Variants in ACTR3B observed in about 807,000 individuals in gnomAD.
ACTR3B encodes actin related protein 3B, also known as actin-related protein 3B.
In ACTR3B, 8 loss-of-function variants were observed where a neutral mutation model predicts 59.0. That is an observed-to-expected ratio of 0.14 (90% confidence interval 0.08 to 0.24). ACTR3B has a LOEUF of 0.24. Among genes scored for constraint, ACTR3B ranks in the 10% least tolerant of loss-of-function variants. The pLI, the probability that ACTR3B is intolerant of heterozygous loss-of-function variation, is 1.00. For missense variants in ACTR3B, 245 were observed against 552.3 expected, an observed-to-expected ratio of 0.44 and a Z score of 5.58; for synonymous variants, 148 against 197.9, an observed-to-expected ratio of 0.75 and a Z score of 2.12.
chr7:152,797,316 A>G (rs1048439921), intron 2 of ACTR3B, among the ~76,000 whole-genome samples: 4 of 152,078 alleles, frequency 2.6e-5, no homozygotes, highest in African/African-American at 7.2e-5. Flanking sequence ...CCTGAGCTCA[A>G]GCTATCCTCC....
At chr7:152,798,055 A>G (rs894283918) in intron 2 of ACTR3B, among the ~76,000 whole-genome samples, 4 of 152,252 alleles carry the variant, frequency 2.6e-5, no homozygotes, top group African/African-American at 9.6e-5. Flanking sequence ...TATGCCCAGT[A>G]GTGGGATTGT....
intron 9 of ACTR3B, among the ~76,000 whole-genome samples, chr7:152,848,511 A>T (rs117705036): frequency 0.011 from 1,731 of 152,354 alleles, 22 homozygotes; most frequent in Middle Eastern, 0.041. Flanking sequence ...AAGCGCCCTT[A>T]GAAATGTCTA....
At chr7:152,785,086 CTTG>C (rs201030180) in intron 2 of ACTR3B, among the ~76,000 whole-genome samples, 3,935 of 151,908 alleles carry the variant, frequency 0.026, 160 homozygotes, top group African/African-American at 0.088. Flanking sequence ...AGATTTTAAC[CTTG>C]TTAAGTGCGA....
Position 152,828,206 on chromosome 7 carries a change from G to A in ACTR3B, c.951+3084G>A, listed in dbSNP as rs547526740. Among the ~76,000 whole-genome samples the A allele has an allele frequency of 5.9e-5, 9 of 152,260 alleles. No homozygotes were observed. In the East Asian group the frequency reaches 1.7e-3, roughly 29 times the overall value. ...CTCTTCAGGCGGGGCATGTTGAGGC[G>A]TGGCCTTTGCTAGTTCCTCAGCAAG... is the stretch of plus-strand genomic sequence containing the variant. On this transcript the variant is annotated intron_variant, in intron 9 of 11. Transcript: ENST00000256001.
intron 9 of ACTR3B, among the ~76,000 whole-genome samples, chr7:152,840,219 CT>C (rs1278529998): frequency 2.3e-5 from 3 of 131,386 alleles, no homozygotes; most frequent in African/African-American, 8.4e-5. Flanking sequence ...GGGAGGGCCC[CT>C]GCTTACCGAG....
At chr7:152,765,211 G>T (rs1476730845) in intron 1 of ACTR3B, among the ~76,000 whole-genome samples, 1 of 142,400 alleles carries the variant, frequency 7.0e-6, no homozygotes, top group African/African-American at 2.6e-5. Flanking sequence ...TCCGCCTCCC[G>T]GGTTCAAGTG....
intron 1 of ACTR3B, among the ~76,000 whole-genome samples, chr7:152,771,437 G>T (rs1436851984): frequency 1.2e-4 from 19 of 152,212 alleles, no homozygotes; most frequent in African/African-American, 4.3e-4. Flanking sequence ...TTAAAAGCAT[G>T]TTGGAGGTTA....
intron 9 of ACTR3B, among the ~76,000 whole-genome samples, chr7:152,829,549 T>C (rs985047973): frequency 6.6e-6 from 1 of 152,146 alleles, no homozygotes; most frequent in Non-Finnish European, 1.5e-5. Flanking sequence ...CCTCCAGAAA[T>C]GACAGGGGTG....
intron 9 of ACTR3B, among the ~76,000 whole-genome samples, chr7:152,825,773 T>G (rs1173203753): frequency 6.6e-6 from 1 of 152,180 alleles, no homozygotes; most frequent in East Asian, 1.9e-4. Context: ...TCATGCATAT[T>G]TGGGTTTGGT....
chr7:152,813,259 G>A (rs370113159), intron 4 of ACTR3B: 193 of 127,726 alleles, frequency 1.5e-3, no homozygotes, highest in African/African-American at 5.2e-3. Context: ...AAAGGGTAAT[G>A]TATACGTTTT....
intron 2 of ACTR3B, among the ~76,000 whole-genome samples, chr7:152,788,955 G>C (rs1482751386): frequency 1.3e-5 from 2 of 152,182 alleles, no homozygotes; most frequent in Non-Finnish European, 2.9e-5. Context: ...CCTGGGAGTC[G>C]AGGTTGCAGT....
chr7:152,821,556 G>T (rs1796158597), intron 7 of ACTR3B, among the ~76,000 whole-genome samples: 3 of 152,170 alleles, frequency 2.0e-5, no homozygotes. Context: ...TTTCCGCCAG[G>T]ATTGCTGAGC....
intron 9 of ACTR3B, 86 bp from the exon 10 acceptor site, chr7:152,852,040 G>A: frequency 6.4e-7 from 1 of 1,570,064 alleles, no homozygotes; most frequent in Non-Finnish European, 8.8e-7. Flanking sequence ...CAAGCGATTG[G>A]ACCTGTGGGA....
intron 9 of ACTR3B, among the ~76,000 whole-genome samples, chr7:152,841,913 G>C (rs1797897468): frequency 6.6e-6 from 1 of 152,208 alleles, no homozygotes; most frequent in Admixed American, 6.5e-5. Context: ...TTTATGTAGA[G>C]TCAAATGAAC....
intron 1 of ACTR3B, among the ~76,000 whole-genome samples, chr7:152,773,660 A>AT (rs1175645111): frequency 6.6e-6 from 1 of 152,212 alleles, no homozygotes; most frequent in Non-Finnish European, 1.5e-5. Flanking sequence ...GTATTATTTG[A>AT]TTGCAAAACA....
intron 2 of ACTR3B, among the ~76,000 whole-genome samples, chr7:152,795,691 A>G (rs2098213825): frequency 6.6e-6 from 1 of 152,222 alleles, no homozygotes; most frequent in Admixed American, 6.5e-5. Flanking sequence ...TAGAAGAAGC[A>G]AAAGTCACCA....
intron 9 of ACTR3B, among the ~76,000 whole-genome samples, chr7:152,851,612 C>T (rs890201207): frequency 2.0e-5 from 3 of 152,204 alleles, no homozygotes; most frequent in Admixed American, 6.5e-5. Flanking sequence ...GGGTGGCCAC[C>T]GAGCGAGTCT....
intron 9 of ACTR3B, among the ~76,000 whole-genome samples, chr7:152,847,619 A>T (rs1168253334): frequency 6.6e-6 from 1 of 152,168 alleles, no homozygotes; most frequent in Non-Finnish European, 1.5e-5. Context: ...AGCTGAAGGA[A>T]TCTGGGTGAG....
intron 4 of ACTR3B, chr7:152,811,626 G>T (rs963949719): frequency 6.6e-6 from 1 of 152,098 alleles, no homozygotes; most frequent in African/African-American, 2.4e-5. Flanking sequence ...GTGTGTTCTT[G>T]GTAATAATTA....
Sources: gnomAD v4.1 joint callset for allele counts (sites outside exome capture counted in the v4.1 genomes callset) on GRCh38, gnomAD v4.1.1 for gene constraint, MANE v1.5 for transcripts, NCBI Gene and HGNC (gene_info 2026-07-23, HGNC 2026-07-21) for gene names.